ASAP1: variants seen among roughly 807,000 people sequenced by gnomAD.
The protein encoded by ASAP1 is arf-GAP with SH3 domain, ANK repeat and PH domain-containing protein 1.
ASAP1 carries 43 observed loss-of-function variants against 145.2 expected under a neutral mutation model. The ratio of observed to expected loss-of-function variants is 0.30; its 90% CI spans 0.23 to 0.38. The LOEUF (loss-of-function observed/expected upper bound fraction) is 0.38. Ranked by LOEUF, ASAP1 falls within the 10% of genes least tolerant of loss-of-function variation. The pLI is 1.00. For missense variants in ASAP1, 1,018 were observed against 1,355.3 expected (o/e 0.75, Z 3.91); for synonymous variants, 546 against 515.5 (o/e 1.06, Z -0.80).
At chr8:130,344,130 G>T (rs1302069157) in intron 3 of ASAP1, among the ~76,000 whole-genome samples, 1 of 152,224 alleles carries the variant, frequency 6.6e-6, no homozygotes, top group East Asian at 1.9e-4. Context: ...TCCATACTAT[G>T]GGAAACTACG....
rs114130051 is a variant in ASAP1, at chr8:130,252,022, T to C, written c.187-15028A>G. ...AAAACAACTGTTGCCATTTCCTCAA[T>C]AATAAAGGATGTGTATTATCAAATG... On this transcript the variant is annotated intron_variant, in intron 3 of 29. Coordinates refer to ENST00000518721, the MANE Select transcript of ASAP1 (RefSeq NM_018482.4). 7.2e-3 allele frequency among the ~76,000 whole-genome samples: 1,102 copies of C among 152,244 alleles called. 16 individuals are homozygous for C. The highest frequency in any genetic ancestry group is 0.025 in the African/African-American group (1,056 of 41,548).
intron 5 of ASAP1, among the ~76,000 whole-genome samples, chr8:130,192,079 G>T (rs375181440): frequency 1.3e-5 from 2 of 152,112 alleles, no homozygotes; most frequent in South Asian, 4.2e-4. Flanking sequence ...AAGACAAAGG[G>T]ATTTCTACCA....
chr8:130,261,343 TC>T (rs1382453011), intron 3 of ASAP1, among the ~76,000 whole-genome samples: 1 of 152,238 alleles, frequency 6.6e-6, no homozygotes, highest in African/African-American at 2.4e-5. Flanking sequence ...CATGGAATCT[TC>T]CTAAGCAACT....
rs1308775314 is a variant in ASAP1 at position 130,358,475 on chromosome 8, G to C, written c.60-332C>G. The stretch of plus-strand genomic sequence containing the variant: ...GGGGGAGGGGACGCGGCTGCGCGCG[G>C]GGTCTTCGCGGGGGTCTGGGCTCCG... On this transcript the variant is annotated intron_variant, in intron 2 of 29. Coordinates refer to ENST00000518721, the MANE Select transcript of ASAP1 (RefSeq NM_018482.4). The surrounding 1 kb of genome is among the most constrained non-coding windows in gnomAD (Gnocchi z 4.1). Among the ~76,000 whole-genome samples the C allele has an allele frequency of 6.7e-6, 1 of 148,246 alleles. No individual in the cohort carries two copies. The highest frequency in any genetic ancestry group is 1.5e-5 in the Non-Finnish European group (1 of 66,442).
At chr8:130,377,443 C>T (rs1466804660) in intron 2 of ASAP1, among the ~76,000 whole-genome samples, 4 of 152,180 alleles carry the variant, frequency 2.6e-5, no homozygotes, top group African/African-American at 9.6e-5. Flanking sequence ...GTGTTTTGTA[C>T]TGAAGATCAG....
At chr8:130,368,291 G>A (rs879903360) in intron 2 of ASAP1, among the ~76,000 whole-genome samples, 2 of 152,076 alleles carry the variant, frequency 1.3e-5, no homozygotes, top group African/African-American at 2.4e-5. Context: ...AATATCATGG[G>A]GGGTTTTGTG....
intron 24 of ASAP1, among the ~76,000 whole-genome samples, chr8:130,105,854 C>G (rs1482485833): frequency 6.6e-6 from 1 of 152,222 alleles, no homozygotes; most frequent in Non-Finnish European, 1.5e-5. Context: ...GACTTCCACA[C>G]AGGAAACAGC....
intron 3 of ASAP1, among the ~76,000 whole-genome samples, chr8:130,328,703 C>A (rs1824497387): frequency 6.6e-6 from 1 of 151,922 alleles, no homozygotes. Context: ...TCACTGCAGC[C>A]TTGAACTCCT....
chr8:130,117,086 T>A (rs1432077363), intron 20 of ASAP1, 91 bp from the exon 21 acceptor site: 1 of 797,760 alleles, frequency 1.3e-6, no homozygotes, highest in Admixed American at 2.9e-5. Flanking sequence ...GACAACTGAG[T>A]CAAATTTGAG....
chr8:130,278,618 G>A (rs1821065214), intron 3 of ASAP1, among the ~76,000 whole-genome samples: 1 of 152,138 alleles, frequency 6.6e-6, no homozygotes, highest in African/African-American at 2.4e-5. Context: ...AGCTAAGAGT[G>A]CAAATATTGG....
intron 5 of ASAP1, among the ~76,000 whole-genome samples, chr8:130,205,256 G>A (rs1011301966): frequency 7.9e-5 from 12 of 151,464 alleles, no homozygotes; most frequent in East Asian, 7.8e-4. Context: ...TACACATATC[G>A]CGTGCATACA....
intron 7 of ASAP1, 65 bp downstream of exon 7, chr8:130,187,171 T>C: frequency 7.0e-7 from 1 of 1,424,752 alleles, no homozygotes; most frequent in Non-Finnish European, 9.6e-7. Flanking sequence ...GTTTTTTTTT[T>C]TGTTGTCCAA....
chr8:130,436,738 C>A (rs187576167), intron 1 of ASAP1, among the ~76,000 whole-genome samples: 1 of 152,164 alleles, frequency 6.6e-6, no homozygotes. Flanking sequence ...GGATTAGAGG[C>A]TGCAGTGTGC....
intron 3 of ASAP1, 39 bp downstream of exon 3, chr8:130,357,978 G>A: frequency 6.3e-7 from 1 of 1,578,432 alleles, no homozygotes. Flanking sequence ...CGCGGCGGCA[G>A]CGGCGAGCGT....
intron 3 of ASAP1, among the ~76,000 whole-genome samples, chr8:130,283,587 G>GAAAAAAAAAAAAAAAAAAA (rs71304303): frequency 3.8e-4 from 8 of 20,878 alleles, no homozygotes; most frequent in African/African-American, 1.4e-3. Context: ...ATCACAGAAA[G>GAAAAAAAAAAAAAAAAAAA]AAAAAAAAAA....
Position 130,237,014 on chromosome 8 carries a change from GA to G in ASAP1, c.187-21del. 1.3e-6 allele frequency: 2 copies of G among 1,522,970 alleles called. No individual in the cohort carries two copies. The highest frequency in any genetic ancestry group is 1.8e-6 in the Non-Finnish European group (2 of 1,125,640). 94.3% of individuals were successfully genotyped at this position (1,522,970 alleles called of 1,614,324 possible). On this transcript the variant is annotated intron_variant, in intron 3 of 29. Transcript: ENST00000518721. ...TAGAGCCTAAAAGAGAAAAAAGGGG[GA>G]AAAGATATTAGAAGATTTGGTAAAT...
At chr8:130,076,760 T>C (rs558146486) in intron 26 of ASAP1, among the ~76,000 whole-genome samples, 77 of 152,294 alleles carry the variant, frequency 5.1e-4, no homozygotes, top group African/African-American at 1.7e-3. Context: ...AGCTCGTGGA[T>C]CCACCCACCT....
intron 3 of ASAP1, among the ~76,000 whole-genome samples, chr8:130,267,973 A>G (rs1820359663): frequency 6.6e-6 from 1 of 152,160 alleles, no homozygotes; most frequent in Non-Finnish European, 1.5e-5. Flanking sequence ...AAGTTCCATA[A>G]AGGTGGTGCT....
At chr8:130,105,165 G>A (rs1345711510) in intron 24 of ASAP1, among the ~76,000 whole-genome samples, 1 of 151,780 alleles carries the variant, frequency 6.6e-6, no homozygotes, top group African/African-American at 2.4e-5. Context: ...AACCAACCCT[G>A]GATTAAATAT....
Sources: gnomAD v4.1 joint callset for allele counts (sites outside exome capture counted in the v4.1 genomes callset) on GRCh38, gnomAD v4.1.1 for gene constraint, Gnocchi (gnomAD v3.1) non-coding constraint, MANE v1.5 for transcripts, NCBI Gene and HGNC (gene_info 2026-07-23, HGNC 2026-07-21) for gene names.